HECW2: variants seen among roughly 807,000 people sequenced by gnomAD.
HECW2 encodes the protein E3 ubiquitin-protein ligase HECW2.
In HECW2, 61 loss-of-function variants were observed where a neutral mutation model predicts 175.2. The observed-to-expected ratio is 0.35, with a 90% CI of 0.28 to 0.43. The LOEUF is 0.43. HECW2 is among the 20% of genes least tolerant of loss of function. The pLI, the probability that HECW2 is intolerant of heterozygous loss-of-function variation, is 1.00. For missense variants in HECW2, 1,524 were observed against 2,000.5 expected, an observed-to-expected ratio of 0.76 and a Z score of 4.54; for synonymous variants, 671 against 731.0, an observed-to-expected ratio of 0.92 and a Z score of 1.32.
chr2:196,343,608 C>T, intron 3 of HECW2, 49 bp downstream of exon 3: 1 of 1,202,214 alleles, frequency 8.3e-7, no homozygotes, highest in Non-Finnish European at 1.2e-6. Context: ...ATTCTGCATA[C>T]TTATGCAATG....
chr2:196,477,177 C>G (rs1049255703), intron 1 of HECW2, among the ~76,000 whole-genome samples: 15 of 150,366 alleles, frequency 1.0e-4, no homozygotes, highest in African/African-American at 3.7e-4. Context: ...GAAGTAATAT[C>G]ATGACCTCAA....
chr2:196,301,768 A>G lies in HECW2; in HGVS notation c.2814+4720T>C, dbSNP rs371796338. 3.5e-5 allele frequency among the ~76,000 whole-genome samples: 5 copies of G among 142,414 alleles called. No homozygotes were observed. The East Asian group carries it at 1.0e-3, about 29-fold the overall frequency. 93.4% of individuals were successfully genotyped at this position (142,414 alleles called of 152,430 possible). On this transcript the variant is annotated intron_variant, in intron 13 of 28. Transcript: ENST00000644978. ...TTGTAGATGTGTTTAAGTTCTTTGT[A>G]GACTCTGGACATTAGACCTTTGTCA...
intron 17 of HECW2, among the ~76,000 whole-genome samples, chr2:196,270,182 C>T (rs1689674269): frequency 6.8e-6 from 1 of 146,534 alleles, no homozygotes; most frequent in South Asian, 2.1e-4. Context: ...TTTTCCTATT[C>T]CCACTGATGC....
At chr2:196,376,939 A>T (rs998075279) in intron 2 of HECW2, among the ~76,000 whole-genome samples, 3 of 152,182 alleles carry the variant, frequency 2.0e-5, no homozygotes, top group African/African-American at 7.2e-5. Flanking sequence ...TCTCAAAAAA[A>T]AAATCAATAC....
chr2:196,216,026 G>T, intron 27 of HECW2, 49 bp from the exon 28 acceptor site: 1 of 1,288,744 alleles, frequency 7.8e-7, no homozygotes, highest in Non-Finnish European at 1.1e-6. Flanking sequence ...GAGACCAACA[G>T]CCAGGAAAGG....
At chr2:196,533,810 A>G (rs559712642) in intron 1 of HECW2, among the ~76,000 whole-genome samples, 24 of 152,350 alleles carry the variant, frequency 1.6e-4, no homozygotes, top group African/African-American at 5.8e-4. Context: ...AAAGCTTTAC[A>G]ACTGCTTCCA....
chr2:196,246,281 G>C (rs2105895021), intron 19 of HECW2, among the ~76,000 whole-genome samples: 1 of 152,304 alleles, frequency 6.6e-6, no homozygotes, highest in African/African-American at 2.4e-5. Context: ...CCCAGACAGG[G>C]CAGAACGCAG....
intron 3 of HECW2, 151 bp downstream of exon 3, chr2:196,343,506 C>A: frequency 1.7e-6 from 1 of 572,222 alleles, no homozygotes; most frequent in Non-Finnish European, 3.0e-6. Context: ...CTTTACTGAG[C>A]ATTTTCTAAA....
At chr2:196,456,278 G>T (rs13412594) in intron 1 of HECW2, among the ~76,000 whole-genome samples, 1 of 152,036 alleles carries the variant, frequency 6.6e-6, no homozygotes, top group Non-Finnish European at 1.5e-5. Context: ...CTTGAGGGTT[G>T]TAAGTCCAAA....
At chr2:196,545,233 G>A (rs938275248) in intron 1 of HECW2, among the ~76,000 whole-genome samples, 3 of 152,186 alleles carry the variant, frequency 2.0e-5, no homozygotes, top group Admixed American at 2.0e-4. Context: ...CACCCATGAT[G>A]AGAACTTATA....
rs932469397 is a variant in HECW2, at chr2:196,197,530, A to G, written c.*3747T>C. 1 of 152,144 alleles carries G rather than the reference A, an allele frequency of 6.6e-6. No homozygotes were observed. The highest frequency in any genetic ancestry group is 1.5e-5 in the Non-Finnish European group (1 of 68,036). 9.4% of individuals were successfully genotyped at this position (152,144 alleles called of 1,614,324 possible). On this transcript the variant is annotated 3_prime_UTR_variant, in exon 29 of 29. Transcript: ENST00000644978. ...TTCTCATGTCAAGTCATGAAATGCAAATAAGTCTACGGGGAAATTTTTTCC... is the reference window on the plus strand; with the variant it reads ...TTCTCATGTCAAGTCATGAAATGCAGATAAGTCTACGGGGAAATTTTTTCC...
At chr2:196,474,877 T>A (rs1015483693) in intron 1 of HECW2, among the ~76,000 whole-genome samples, 2 of 152,218 alleles carry the variant, frequency 1.3e-5, no homozygotes, top group African/African-American at 4.8e-5. Flanking sequence ...TCTAGACTCT[T>A]AAGGCAGAGG....
intron 17 of HECW2, among the ~76,000 whole-genome samples, chr2:196,264,825 C>A (rs376253190): frequency 7.2e-5 from 11 of 152,280 alleles, no homozygotes; most frequent in African/African-American, 2.6e-4. Context: ...ACATGACTAG[C>A]ACTTATTCCT....
At chr2:196,399,394 G>T (rs903191929) in intron 2 of HECW2, among the ~76,000 whole-genome samples, 2 of 152,202 alleles carry the variant, frequency 1.3e-5, no homozygotes, top group Non-Finnish European at 2.9e-5. Context: ...GGGCTAAACT[G>T]CCAGAGGCCA....
chr2:196,580,038 A>C (rs189815944), intron 1 of HECW2, among the ~76,000 whole-genome samples: 33 of 152,378 alleles, frequency 2.2e-4, no homozygotes, highest in African/African-American at 6.5e-4. Context: ...TGATAATATT[A>C]GTATCAGACA....
At chr2:196,518,439 T>C (rs1688225792) in intron 1 of HECW2, among the ~76,000 whole-genome samples, 1 of 152,026 alleles carries the variant, frequency 6.6e-6, no homozygotes, top group South Asian at 2.1e-4. Context: ...GTGGATCGCT[T>C]GAGGTCAGGA....
chr2:196,392,369 G>A lies in HECW2; in HGVS notation c.292+40763C>T, dbSNP rs553980886. Among the ~76,000 whole-genome samples the A allele has an allele frequency of 2.3e-4, 35 of 152,092 alleles. 1 individual carries two copies. The highest frequency in any genetic ancestry group is 8.2e-4 in the African/African-American group (34 of 41,492). On this transcript the variant is annotated intron_variant, in intron 2 of 28. Coordinates refer to ENST00000644978, the MANE Select transcript of HECW2 (RefSeq NM_001348768.2). ...GGAATGTAAGATAAAACCTACTTTC[G>A]GTGCCAGGGCTGTGTAACCTATCAG...
chr2:196,484,759 G>A (rs556386200), intron 1 of HECW2, among the ~76,000 whole-genome samples: 185 of 152,230 alleles, frequency 1.2e-3, no homozygotes, highest in African/African-American at 4.3e-3. Flanking sequence ...CCCGGGGAGT[G>A]GCAAGTTCAT....
chr2:196,591,051 T>C (rs1035563750), intron 1 of HECW2, among the ~76,000 whole-genome samples: 4 of 152,222 alleles, frequency 2.6e-5, no homozygotes, highest in African/African-American at 4.8e-5. Flanking sequence ...ACACAACACA[T>C]AGATAATCCA....
Sources: gnomAD v4.1 joint callset for allele counts (sites outside exome capture counted in the v4.1 genomes callset) on GRCh38, gnomAD v4.1.1 for gene constraint, MANE v1.5 for transcripts, NCBI Gene and HGNC (gene_info 2026-07-23, HGNC 2026-07-21) for gene names.